The following NTRK3 variants were observed in gnomAD, a reference collection of about 807,000 sequenced individuals.
NTRK3 encodes neurotrophic receptor tyrosine kinase 3, also known as NT-3 growth factor receptor.
A neutral mutation model predicts 91.7 loss-of-function variants in NTRK3; 24 were observed. That is an observed-to-expected ratio of 0.26 (90% CI 0.19 to 0.37). The LOEUF (loss-of-function observed/expected upper bound fraction) is 0.37, where lower values mean the gene tolerates loss of function less well. Among genes scored for constraint, NTRK3 ranks in the 10% least tolerant of loss-of-function variants. The probability of loss-of-function intolerance (pLI) is 1.00; values close to 1 mark genes in which losing one functional copy is unlikely to be tolerated. For missense variants in NTRK3, 880 were observed against 1,068.9 expected (o/e 0.82, Z 2.46); for synonymous variants, 483 against 404.0 (o/e 1.20, Z -2.34).
chr15:88,127,251 G>A (rs775023569), intron 11 of NTRK3, 25 bp from the exon 12 acceptor site: 1 of 1,610,042 alleles, frequency 6.2e-7, no homozygotes. Context: ...CAAAAAGGAG[G>A]AGGACAGTTA....
chr15:88,085,416 C>T (rs927486700), intron 13 of NTRK3, among the ~76,000 whole-genome samples: 4 of 152,198 alleles, frequency 2.6e-5, no homozygotes, highest in Non-Finnish European at 4.4e-5. Flanking sequence ...CAGACTGTTT[C>T]TGCTCATCAG....
At chr15:88,215,550 G>T (rs1863481) in intron 3 of NTRK3, among the ~76,000 whole-genome samples, 47 of 152,274 alleles carry the variant, frequency 3.1e-4, no homozygotes, top group Non-Finnish European at 6.6e-4. Flanking sequence ...GGCAGCTCAG[G>T]GGAGCCAGGC....
At chr15:88,107,890 G>A (rs936405211) in intron 13 of NTRK3, among the ~76,000 whole-genome samples, 29 of 151,994 alleles carry the variant, frequency 1.9e-4, no homozygotes, top group South Asian at 2.1e-4. Flanking sequence ...ACCAACAAGC[G>A]GGAGAGGGGC....
At chr15:88,022,032 C>A (rs1420282774) in intron 14 of NTRK3, among the ~76,000 whole-genome samples, 2 of 152,144 alleles carry the variant, frequency 1.3e-5, no homozygotes, top group Admixed American at 1.3e-4. Flanking sequence ...CCTTCCCTTA[C>A]CCTGCATTCC....
At chr15:87,876,750 C>T (rs1290707518) in exon 19 of NTRK3, 3 of 494,412 alleles carry the variant, frequency 6.1e-6, no homozygotes, top group East Asian at 7.3e-5. Context: ...TGCCAAACTG[C>T]CTTACAGGGT....
At chr15:87,897,960 A>T (rs1440301469) in intron 17 of NTRK3, among the ~76,000 whole-genome samples, 2 of 152,224 alleles carry the variant, frequency 1.3e-5, no homozygotes, top group Non-Finnish European at 2.9e-5. Flanking sequence ...GGAAGACTTG[A>T]CTTCCTTGTG....
chr15:87,988,156 C>CA (rs2074993201), intron 14 of NTRK3, among the ~76,000 whole-genome samples: 1 of 152,160 alleles, frequency 6.6e-6, no homozygotes, highest in South Asian at 2.1e-4. Flanking sequence ...GATAAGCATG[C>CA]ACTCTTTAAG....
intron 13 of NTRK3, among the ~76,000 whole-genome samples, chr15:88,124,286 G>C (rs945659422): frequency 6.6e-6 from 1 of 152,142 alleles, no homozygotes; most frequent in Non-Finnish European, 1.5e-5. Flanking sequence ...ACCCAACCAG[G>C]GCCAAGAAAG....
At chr15:88,186,004 G>GC in intron 3 of NTRK3, among the ~76,000 whole-genome samples, 1 of 152,302 alleles carries the variant, frequency 6.6e-6, no homozygotes, top group African/African-American at 2.4e-5. Flanking sequence ...AAGCCTTACA[G>GC]CCCCAGGGCA....
intron 12 of NTRK3, among the ~76,000 whole-genome samples, chr15:88,126,705 T>C (rs919718849): frequency 1.3e-5 from 2 of 152,218 alleles, no homozygotes; most frequent in Non-Finnish European, 2.9e-5. Flanking sequence ...TGCATCTTCA[T>C]GTTAAAATTC....
intron 13 of NTRK3, among the ~76,000 whole-genome samples, chr15:88,084,066 GC>G (rs2048291055): frequency 6.7e-6 from 1 of 148,686 alleles, no homozygotes; most frequent in East Asian, 2.0e-4. Flanking sequence ...TTTTGTAAGA[GC>G]CATTTCATGT....
intron 5 of NTRK3, among the ~76,000 whole-genome samples, chr15:88,153,417 T>C (rs2043581965): frequency 6.6e-6 from 1 of 152,060 alleles, no homozygotes; most frequent in South Asian, 2.1e-4. Context: ...TAATTTTTTG[T>C]ATTTTTAGTA....
chr15:88,039,262 T>G (rs1412961303), intron 13 of NTRK3, among the ~76,000 whole-genome samples: 1 of 152,116 alleles, frequency 6.6e-6, no homozygotes, highest in Non-Finnish European at 1.5e-5. Flanking sequence ...GCAACACTAA[T>G]AATCAAAAAG....
At chr15:88,141,617 G>A (rs1237525068) in intron 6 of NTRK3, among the ~76,000 whole-genome samples, 1 of 152,226 alleles carries the variant, frequency 6.6e-6, no homozygotes, top group Non-Finnish European at 1.5e-5. Flanking sequence ...TATCCACCTG[G>A]GTGGAAAAGA....
chr15:88,178,034 T>C (rs1382582521), intron 5 of NTRK3, among the ~76,000 whole-genome samples: 1 of 152,216 alleles, frequency 6.6e-6, no homozygotes, highest in Non-Finnish European at 1.5e-5. Flanking sequence ...TCAAAGCCCA[T>C]GCTCCTTACT....
At chr15:87,958,467 C>T (rs1163599745) in intron 14 of NTRK3, among the ~76,000 whole-genome samples, 4 of 152,120 alleles carry the variant, frequency 2.6e-5, no homozygotes, top group South Asian at 4.2e-4. Context: ...TGGTCTTTCA[C>T]GTGTAACACA....
intron 13 of NTRK3, among the ~76,000 whole-genome samples, chr15:88,074,844 CAG>C (rs1464192000): frequency 1.3e-5 from 2 of 152,100 alleles, no homozygotes; most frequent in Admixed American, 1.3e-4. Flanking sequence ...GGCACAGTGC[CAG>C]AGCTCTCAGA....
exon 19 of NTRK3, chr15:87,864,241 G>A (rs930972037): frequency 4.3e-5 from 10 of 232,494 alleles, no homozygotes; most frequent in Non-Finnish European, 6.8e-5. Flanking sequence ...GCTGTGAAGT[G>A]AGAGAAAAAT....
At chr15:87,882,054 C>A (rs1276666335) in intron 17 of NTRK3, among the ~76,000 whole-genome samples, 2 of 152,024 alleles carry the variant, frequency 1.3e-5, no homozygotes, top group Non-Finnish European at 2.9e-5. Flanking sequence ...AAACACCATG[C>A]CTGGCTAATT....
Sources: gnomAD v4.1 joint callset for allele counts (sites outside exome capture counted in the v4.1 genomes callset) on GRCh38, gnomAD v4.1.1 for gene constraint, MANE v1.5 for transcripts, NCBI Gene and HGNC (gene_info 2026-07-23, HGNC 2026-07-21) for gene names.